BRSK2: variants seen among roughly 807,000 people sequenced by gnomAD.
BRSK2 encodes serine/threonine-protein kinase BRSK2.
Under a neutral mutation model 83.3 loss-of-function variants are expected in BRSK2, and 19 were observed. That is an observed-to-expected ratio of 0.23 (90% CI 0.16 to 0.33). The LOEUF (loss-of-function observed/expected upper bound fraction) is 0.33. Among genes scored for constraint, BRSK2 ranks in the 10% least tolerant of loss-of-function variants. The pLI, the probability that BRSK2 is intolerant of heterozygous loss-of-function variation, is 1.00. For synonymous variants in BRSK2, 519 were observed against 435.4 expected (o/e 1.19, Z -2.39); for missense variants, 798 against 1,042.3 (o/e 0.77, Z 3.23).
chr11:1,404,358 G>A (rs1846688212), intron 1 of BRSK2, among the ~76,000 whole-genome samples: 1 of 152,134 alleles, frequency 6.6e-6, no homozygotes, highest in African/African-American at 2.4e-5. Context: ...TCAGGGGAGT[G>A]GCCACGGGAG....
intron 1 of BRSK2, among the ~76,000 whole-genome samples, chr11:1,434,776 T>C: frequency 6.6e-6 from 1 of 152,106 alleles, no homozygotes; most frequent in Non-Finnish European, 1.5e-5. Flanking sequence ...TGTGATAACC[T>C]GATCCCCCCA....
intron 12 of BRSK2, among the ~76,000 whole-genome samples, chr11:1,449,570 C>G (rs867840189): frequency 6.6e-6 from 1 of 152,172 alleles, no homozygotes; most frequent in Non-Finnish European, 1.5e-5. Context: ...CACGTGGGCT[C>G]TGATGGGGGC....
At chr11:1,403,540 G>A (rs1035508418) in intron 1 of BRSK2, among the ~76,000 whole-genome samples, 1 of 152,240 alleles carries the variant, frequency 6.6e-6, no homozygotes, top group Non-Finnish European at 1.5e-5. Flanking sequence ...GGGCTGCGGA[G>A]GAGGGGCCCA....
Position 1,461,342 on chromosome 11 carries a change from C to T in BRSK2, c.*619C>T. On this transcript the variant is annotated 3_prime_UTR_variant, in exon 20 of 20. Transcript: ENST00000528841. ...GGCCTCCTCGCAGGCCCGTGCCCCG[C>T]CTCCCTGGCTGCGCCGCCTCCGTGT... The T allele has an allele frequency of 2.8e-6, 1 of 354,944 alleles. No homozygotes were observed. The highest frequency in any genetic ancestry group is 5.1e-6 in the Non-Finnish European group (1 of 194,846). The allele number at this position is 354,944 out of a possible 1,614,324, so 22.0% of individuals were successfully genotyped here.
At chr11:1,394,273 G>T (rs1274756826) in intron 1 of BRSK2, among the ~76,000 whole-genome samples, 22 of 128,464 alleles carry the variant, frequency 1.7e-4, no homozygotes, top group Non-Finnish European at 2.5e-4. Context: ...CCTGGAGATG[G>T]GTCCTGGAGA....
intron 3 of BRSK2, among the ~76,000 whole-genome samples, chr11:1,439,259 C>T (rs1012375934): frequency 2.6e-5 from 4 of 152,058 alleles, no homozygotes; most frequent in East Asian, 1.9e-4. Context: ...GCAACGTCCA[C>T]GCTTGCTCTG....
rs1005479856 is a variant in BRSK2 at position 1,423,816 on chromosome 11, C to T, written c.92-12224C>T. Among the ~76,000 whole-genome samples, 9 of 151,056 alleles carry T rather than the reference C, an allele frequency of 6.0e-5. No individual in the cohort carries two copies. Among genetic ancestry groups the T allele is most frequent in the Middle Eastern group, 3.2e-3 (1 of 310 alleles). On this transcript the variant is annotated intron_variant, in intron 1 of 19. Coordinates refer to ENST00000528841, the MANE Select transcript of BRSK2 (RefSeq NM_001256627.2). This position sits in a 1 kb window ranked among gnomAD's most constrained non-coding sequence, Gnocchi z 6.5. ...CCCAGGCCTCCCCCGCTGGGCGTTC[C>T]GGGTGCCCCAGGCCTCCCCCGCTGA...
chr11:1,454,467 C>CT lies in BRSK2; in HGVS notation c.1545-17dup. ...TGCCACACCTCAATCCTCACAGCCT[C>CT]TGTCTCCCACTGCCCAGGCTGGCGA... On this transcript the variant is annotated splice_polypyrimidine_tract_variant and intron_variant, in intron 15 of 19. Coordinates refer to ENST00000528841, the MANE Select transcript of BRSK2 (RefSeq NM_001256627.2). The surrounding 1 kb of genome is among the most constrained non-coding windows in gnomAD (Gnocchi z 5.2). 6.2e-7 allele frequency: 1 copy of CT among 1,612,630 alleles called. No homozygotes were observed. Among genetic ancestry groups the CT allele is most frequent in the East Asian group, 2.2e-5 (1 of 44,868 alleles).
chr11:1,434,758 G>A (rs964822703), intron 1 of BRSK2, among the ~76,000 whole-genome samples: 3 of 152,114 alleles, frequency 2.0e-5, no homozygotes, highest in African/African-American at 7.2e-5. Flanking sequence ...CCTAGGATTG[G>A]GGTCCCCTGT....
intron 19 of BRSK2, 159 bp downstream of exon 19, chr11:1,459,398 G>C: frequency 1.3e-6 from 1 of 799,114 alleles, no homozygotes; most frequent in Non-Finnish European, 2.1e-6. Context: ...CCTCTACCAG[G>C]AGCAGCCCAG....
At chr11:1,417,784 T>G (rs35544998) in intron 1 of BRSK2, among the ~76,000 whole-genome samples, 1,242 of 97,894 alleles carry the variant, frequency 0.013, 1 homozygote, top group Non-Finnish European at 0.018. Flanking sequence ...CTGCTTCTGT[T>G]GGCTGTTTCT....
chr11:1,405,399 A>T (rs1048828726), intron 1 of BRSK2, among the ~76,000 whole-genome samples: 1 of 152,066 alleles, frequency 6.6e-6, no homozygotes, highest in Non-Finnish European at 1.5e-5. Context: ...AGCCTTGCCC[A>T]GCCTTCCCCC....
chr11:1,428,158 A>G (rs1370710591), intron 1 of BRSK2, among the ~76,000 whole-genome samples: 1 of 152,124 alleles, frequency 6.6e-6, no homozygotes, highest in Admixed American at 6.5e-5. Context: ...GCTCTCCTAC[A>G]TCCCAGCCTG....
At chr11:1,405,780 C>T (rs1846830193) in intron 1 of BRSK2, among the ~76,000 whole-genome samples, 1 of 152,146 alleles carries the variant, frequency 6.6e-6, no homozygotes. Flanking sequence ...GTGGCCCCAG[C>T]CAGCAGCCCG....
chr11:1,401,437 C>A (rs1282418869), intron 1 of BRSK2, among the ~76,000 whole-genome samples: 1 of 152,226 alleles, frequency 6.6e-6, no homozygotes, highest in Non-Finnish European at 1.5e-5. Context: ...TCCAGTCCCC[C>A]ACCTTCCTGC....
Position 1,423,321 on chromosome 11 carries a change from C to T in BRSK2, c.92-12719C>T, listed in dbSNP as rs186280290. ...AGCGTCTTGAGGCTAGGGGTGAGTT[C>T]GAGACCTCGTAAATACTTCAGTGCA... On this transcript the variant is annotated intron_variant, in intron 1 of 19. Transcript: ENST00000528841. The surrounding 1 kb of genome is among the most constrained non-coding windows in gnomAD (Gnocchi z 6.5). Among the ~76,000 whole-genome samples the T allele has an allele frequency of 1.2e-4, 18 of 152,208 alleles. No homozygotes were observed. The highest frequency in any genetic ancestry group is 3.4e-3 in the Middle Eastern group (1 of 294).
Position 1,423,180 on chromosome 11 carries a change from CGGTGCCTCGTGGGGGACAT to C in BRSK2, c.92-12852_92-12834del, listed in dbSNP as rs1044550880. On this transcript the variant is annotated intron_variant, in intron 1 of 19. Coordinates refer to ENST00000528841, the MANE Select transcript of BRSK2 (RefSeq NM_001256627.2). The surrounding 1 kb of genome is among the most constrained non-coding windows in gnomAD (Gnocchi z 6.5). ...CCAGAGCGGTGCCTCGTGGGGGATG[CGGTGCCTCGTGGGGGACAT>C]GGTGCCTTGTGGGGTACGTGGTGGA... Among the ~76,000 whole-genome samples the C allele has an allele frequency of 6.6e-6, 1 of 151,984 alleles. No homozygotes were observed. Among genetic ancestry groups the C allele is most frequent in the Non-Finnish European group, 1.5e-5 (1 of 68,004 alleles).
At chr11:1,450,548 G>A (rs375121546) in intron 13 of BRSK2, 39 bp from the exon 14 acceptor site, 138 of 1,198,724 alleles carry the variant, frequency 1.2e-4, no homozygotes, top group Admixed American at 4.4e-4. Flanking sequence ...CCCACCCGCC[G>A]GGATTGAACC....
Position 1,456,340 on chromosome 11 carries a change from C to G in BRSK2, c.1669-8C>G, listed in dbSNP as rs1846536894. ...GCCAGCCACGCTCACGCTGCTCTCT[C>G]TCCACAGATTCCCAGTCTCAGCCAC... On this transcript the variant is annotated splice_polypyrimidine_tract_variant and splice_region_variant and intron_variant, in intron 16 of 19. Coordinates refer to ENST00000528841, the MANE Select transcript of BRSK2 (RefSeq NM_001256627.2). The G allele has an allele frequency of 6.4e-7, 1 of 1,552,240 alleles. No individual in the cohort carries two copies. Among genetic ancestry groups the G allele is most frequent in the Non-Finnish European group, 8.7e-7 (1 of 1,148,660 alleles).
Sources: gnomAD v4.1 joint callset for allele counts (sites outside exome capture counted in the v4.1 genomes callset) on GRCh38, gnomAD v4.1.1 for gene constraint, Gnocchi (gnomAD v3.1) non-coding constraint, MANE v1.5 for transcripts, NCBI Gene and HGNC (gene_info 2026-07-23, HGNC 2026-07-21) for gene names.